CCSER1: variants seen among roughly 807,000 people sequenced by gnomAD.
CCSER1 encodes coiled-coil serine rich protein 1.
CCSER1 carries 41 observed loss-of-function variants against 82.0 expected under a neutral mutation model. That is an observed-to-expected ratio of 0.50 (90% CI 0.39 to 0.65). The LOEUF (loss-of-function observed/expected upper bound fraction) is 0.65, where lower values mean the gene tolerates loss of function less well. CCSER1 is among the 30% of genes least tolerant of loss of function. The pLI, the probability that CCSER1 is intolerant of heterozygous loss-of-function variation, is 0.00. For missense variants in CCSER1, 1,119 were observed against 1,064.2 expected, an observed-to-expected ratio of 1.05 and a Z score of -0.72; for synonymous variants, 414 against 383.9, an observed-to-expected ratio of 1.08 and a Z score of -0.92.
chr4:90,838,807 C>T (rs547548418), intron 8 of CCSER1: 24 of 1,498,336 alleles, frequency 1.6e-5, no homozygotes, highest in Non-Finnish European at 2.1e-5. Flanking sequence ...CTTGATCCAA[C>T]CTCTTTGCAT....
At chr4:90,225,321 C>T (rs1001938837) in intron 1 of CCSER1, among the ~76,000 whole-genome samples, 3 of 151,366 alleles carry the variant, frequency 2.0e-5, no homozygotes, top group Admixed American at 6.6e-5. Context: ...AGCCTTCTGC[C>T]CACCATGGCC....
At chr4:90,450,991 A>G (rs12646422) in intron 4 of CCSER1, among the ~76,000 whole-genome samples, 31,471 of 152,228 alleles carry the variant, frequency 0.21, 4,341 homozygotes, top group East Asian at 0.38. Flanking sequence ...TAGTAGGGCT[A>G]TGGAGAGAAG....
At chr4:90,628,816 C>A (rs544266937) in intron 6 of CCSER1, among the ~76,000 whole-genome samples, 1 of 152,266 alleles carries the variant, frequency 6.6e-6, no homozygotes, top group East Asian at 1.9e-4. Context: ...GCCCAGAAAT[C>A]AGCCATTCTT....
intron 3 of CCSER1, among the ~76,000 whole-genome samples, chr4:90,357,142 T>C (rs1744511769): frequency 6.6e-6 from 1 of 151,934 alleles, no homozygotes; most frequent in African/African-American, 2.4e-5. Flanking sequence ...AATTATAGAA[T>C]TTCAGTGTTA....
chr4:90,396,849 C>T (rs967911015), intron 3 of CCSER1, among the ~76,000 whole-genome samples: 2 of 151,650 alleles, frequency 1.3e-5, no homozygotes, highest in Admixed American at 1.3e-4. Flanking sequence ...AAGTAAAGGA[C>T]CTTGATTTTT....
intron 3 of CCSER1, among the ~76,000 whole-genome samples, chr4:90,393,073 A>G (rs1751439779): frequency 6.6e-6 from 1 of 152,138 alleles, no homozygotes; most frequent in African/African-American, 2.4e-5. Flanking sequence ...GTCTATTCCT[A>G]TGTCTTGCTC....
chr4:91,370,137 A>G (rs1279210033), intron 10 of CCSER1, among the ~76,000 whole-genome samples: 3 of 152,174 alleles, frequency 2.0e-5, no homozygotes, highest in Admixed American at 6.6e-5. Context: ...GGGATATAAG[A>G]CTTTAAATAT....
chr4:90,262,562 C>T (rs991427951), intron 1 of CCSER1, among the ~76,000 whole-genome samples: 49 of 152,024 alleles, frequency 3.2e-4, no homozygotes, highest in African/African-American at 1.1e-3. Context: ...AAGTTTTAGG[C>T]CAATAGAGGA....
chr4:90,729,231 T>G (rs1744264648), intron 7 of CCSER1, among the ~76,000 whole-genome samples: 1 of 152,230 alleles, frequency 6.6e-6, no homozygotes, highest in South Asian at 2.1e-4. Flanking sequence ...ATGCAAGATC[T>G]CCAAGTTCAA....
chr4:91,113,809 CAGTT>C (rs567509993), intron 10 of CCSER1, among the ~76,000 whole-genome samples: 16 of 151,560 alleles, frequency 1.1e-4, no homozygotes, highest in Non-Finnish European at 2.4e-4. Context: ...TTTTTATTCT[CAGTT>C]ATTTATGTTT....
At chr4:91,115,859 A>ATATATATATAT (rs1554069630) in intron 10 of CCSER1, among the ~76,000 whole-genome samples, 1 of 102,264 alleles carries the variant, frequency 9.8e-6, no homozygotes, top group African/African-American at 4.8e-5. Flanking sequence ...ATATATATAT[A>ATATATATATAT]TTTTTTTTTA....
intron 10 of CCSER1, among the ~76,000 whole-genome samples, chr4:91,594,390 T>TACATATATAC (rs1201645495): frequency 7.2e-6 from 1 of 139,010 alleles, no homozygotes; most frequent in East Asian, 2.0e-4. Context: ...CACACATATA[T>TACATATATAC]ACATATATAC....
intron 3 of CCSER1, among the ~76,000 whole-genome samples, chr4:90,315,573 C>T (rs1322584759): frequency 1.3e-5 from 2 of 152,054 alleles, no homozygotes; most frequent in Non-Finnish European, 1.5e-5. Context: ...GGTGCAGTCT[C>T]GGCTCTCTGC....
At chr4:90,365,814 C>T (rs553652461) in intron 3 of CCSER1, among the ~76,000 whole-genome samples, 7 of 151,908 alleles carry the variant, frequency 4.6e-5, no homozygotes, top group African/African-American at 1.7e-4. Flanking sequence ...TAATCATAAT[C>T]GATAAGTGAG....
At chr4:91,413,380 T>C (rs1366640820) in intron 10 of CCSER1, among the ~76,000 whole-genome samples, 1 of 151,966 alleles carries the variant, frequency 6.6e-6, no homozygotes, top group Non-Finnish European at 1.5e-5. Flanking sequence ...GGATCACTGG[T>C]GCCCAGAAAT....
At chr4:91,405,569 C>A (rs1321718130) in intron 10 of CCSER1, among the ~76,000 whole-genome samples, 1 of 152,198 alleles carries the variant, frequency 6.6e-6, no homozygotes, top group Non-Finnish European at 1.5e-5. Context: ...ACTGAAGCCT[C>A]AGCAATGGCT....
intron 4 of CCSER1, among the ~76,000 whole-genome samples, chr4:90,409,290 A>T (rs1560471336): frequency 6.6e-6 from 1 of 152,226 alleles, no homozygotes; most frequent in East Asian, 1.9e-4. Context: ...CGCCACAAAG[A>T]TAATCCTCGA....
chr4:90,207,812 G>A (rs572443152), intron 1 of CCSER1, among the ~76,000 whole-genome samples: 18 of 152,314 alleles, frequency 1.2e-4, no homozygotes, highest in East Asian at 9.7e-4. Flanking sequence ...GTTTGCCTGC[G>A]TATCAACAGT....
chr4:90,561,044 T>G (rs2153647272), intron 5 of CCSER1, among the ~76,000 whole-genome samples: 1 of 152,328 alleles, frequency 6.6e-6, no homozygotes, highest in South Asian at 2.1e-4. Flanking sequence ...TTGTTCTAAT[T>G]TACTACCTTA....
Sources: gnomAD v4.1 joint callset for allele counts (sites outside exome capture counted in the v4.1 genomes callset) on GRCh38, gnomAD v4.1.1 for gene constraint, MANE v1.5 for transcripts, NCBI Gene and HGNC (gene_info 2026-07-23, HGNC 2026-07-21) for gene names.